RANBP2: variants seen among roughly 807,000 people sequenced by gnomAD.
The protein encoded by RANBP2 is E3 SUMO-protein ligase RanBP2.
A neutral mutation model predicts 303.6 loss-of-function variants in RANBP2; 57 were observed. That is an observed-to-expected ratio of 0.19 (90% CI 0.15 to 0.23). RANBP2 has a LOEUF of 0.23. RANBP2 is among the 10% of genes least tolerant of loss of function. The pLI is 1.00. For synonymous variants in RANBP2, 1,167 were observed against 1,301.5 expected (o/e 0.90, Z 2.23); for missense variants, 3,138 against 3,780.8 (o/e 0.83, Z 4.46).
the RANBP2 span, among the ~76,000 whole-genome samples, chr2:109,105,891 TCG>T: frequency 6.8e-6 from 1 of 147,196 alleles, no homozygotes; most frequent in South Asian, 2.2e-4. Flanking sequence ...TCACGCTCTG[TCG>T]CCCAGGCTGG....
chr2:109,544,266 G>A, the RANBP2 span: 6 of 1,612,328 alleles, frequency 3.7e-6, no homozygotes, highest in Non-Finnish European at 4.2e-6. Context: ...TTTTAATAAA[G>A]TTTGCTTGTG....
the RANBP2 span, among the ~76,000 whole-genome samples, chr2:109,199,612 T>TCAACGCGAGTGCA: frequency 3.0e-3 from 1 of 336 alleles, no homozygotes; most frequent in Non-Finnish European, 6.9e-3. Context: ...TGGAATGGAA[T>TCAACGCGAGTGCA]GGAATGGAAT....
At chr2:109,129,040 A>G in the RANBP2 span, 5 of 414,244 alleles carry the variant, frequency 1.2e-5, no homozygotes, top group Non-Finnish European at 2.4e-5. Context: ...GAGGACAGCG[A>G]CTAGCGAGCA....
the RANBP2 span, among the ~76,000 whole-genome samples, chr2:109,293,558 A>G: frequency 6.6e-6 from 1 of 152,234 alleles, no homozygotes; most frequent in Non-Finnish European, 1.5e-5. Flanking sequence ...TGACCACTAG[A>G]AAACAAAGGG....
chr2:109,423,939 A>G, the RANBP2 span, among the ~76,000 whole-genome samples: 1 of 151,926 alleles, frequency 6.6e-6, no homozygotes, highest in East Asian at 1.9e-4. Flanking sequence ...AGAGCAGAGA[A>G]TTTTATTGAG....
the RANBP2 span, among the ~76,000 whole-genome samples, chr2:109,467,890 C>A: frequency 6.6e-6 from 1 of 151,838 alleles, no homozygotes; most frequent in African/African-American, 2.4e-5. Flanking sequence ...ACCTCAGATG[C>A]CTGTAGCCAG....
chr2:108,814,951 A>G, the RANBP2 span, among the ~76,000 whole-genome samples: 12 of 152,254 alleles, frequency 7.9e-5, no homozygotes, highest in East Asian at 2.3e-3. Context: ...ATTTTTAAAA[A>G]AATAAATTTA....
chr2:108,886,689 G>C, the RANBP2 span, among the ~76,000 whole-genome samples: 2 of 151,952 alleles, frequency 1.3e-5, no homozygotes, highest in Non-Finnish European at 2.9e-5. Context: ...TGGGATTACA[G>C]GTGTGAGCCA....
the RANBP2 span, among the ~76,000 whole-genome samples, chr2:109,249,566 TCC>T: frequency 6.4e-4 from 89 of 139,884 alleles, 1 homozygote; most frequent in South Asian, 1.3e-3. Flanking sequence ...CTTCCTTCCT[TCC>T]TTCCTTCCTT....
chr2:108,742,614 T>C (rs1025525651), intron 7 of RANBP2, among the ~76,000 whole-genome samples: 2 of 151,954 alleles, frequency 1.3e-5, no homozygotes, highest in African/African-American at 2.4e-5. Flanking sequence ...TGTAAATCTT[T>C]TAAAAACACC....
chr2:108,854,039 TATATA>T, the RANBP2 span, among the ~76,000 whole-genome samples: 1 of 56,156 alleles, frequency 1.8e-5, no homozygotes, highest in Non-Finnish European at 3.7e-5. Context: ...TTATATATAA[TATATA>T]ATAAATTTAT....
At chr2:109,567,717 G>T in the RANBP2 span, 1 of 1,174,908 alleles carries the variant, frequency 8.5e-7, no homozygotes, top group Admixed American at 2.8e-5. Flanking sequence ...AGTCTTTTTG[G>T]AAGACACAAG....
At chr2:108,806,311 C>T in the RANBP2 span, among the ~76,000 whole-genome samples, 1 of 152,180 alleles carries the variant, frequency 6.6e-6, no homozygotes, top group Non-Finnish European at 1.5e-5. Context: ...AACTGTTGCC[C>T]ATACCTATCT....
the RANBP2 span, among the ~76,000 whole-genome samples, chr2:109,292,143 G>A: frequency 9.2e-5 from 14 of 152,208 alleles, no homozygotes; most frequent in African/African-American, 3.4e-4. Context: ...GATTACAGGC[G>A]TGAGCTACCG....
chr2:109,442,064 C>T, the RANBP2 span, among the ~76,000 whole-genome samples: 1 of 152,196 alleles, frequency 6.6e-6, no homozygotes, highest in African/African-American at 2.4e-5. Flanking sequence ...GTAATCCCAG[C>T]ACTTTGGGAG....
the RANBP2 span, among the ~76,000 whole-genome samples, chr2:109,247,243 C>T: frequency 6.6e-6 from 1 of 152,166 alleles, no homozygotes; most frequent in African/African-American, 2.4e-5. Flanking sequence ...AGATTATGTG[C>T]TGCAGTGAGT....
chr2:109,242,092 C>T, the RANBP2 span, among the ~76,000 whole-genome samples: 2 of 151,086 alleles, frequency 1.3e-5, no homozygotes, highest in Non-Finnish European at 2.9e-5. Context: ...GCCTGCCACA[C>T]AGGGTGGCTC....
At chr2:109,565,840 A>G in the RANBP2 span, 1 of 1,614,048 alleles carries the variant, frequency 6.2e-7, no homozygotes, top group Non-Finnish European at 8.5e-7. Context: ...ACTTCCCACA[A>G]CAGCAAACGG....
chr2:109,794,614 G>GCGGCGGCGGCGGCGGCGGC, the RANBP2 span: 1 of 72,258 alleles, frequency 1.4e-5, no homozygotes, highest in African/African-American at 1.1e-4. Flanking sequence ...GCGGCGGGGG[G>GCGGCGGCGGCGGCGGCGGC]GGCGGCGGCG....
Sources: gnomAD v4.1 joint callset for allele counts (sites outside exome capture counted in the v4.1 genomes callset) on GRCh38, gnomAD v4.1.1 for gene constraint, MANE v1.5 for transcripts, NCBI Gene and HGNC (gene_info 2026-07-23, HGNC 2026-07-21) for gene names.